Variants in GRIN3A observed in about 807,000 individuals in gnomAD.
The protein encoded by GRIN3A is glutamate ionotropic receptor NMDA type subunit 3A.
A neutral mutation model predicts 92.4 loss-of-function variants in GRIN3A; 47 were observed. That is an observed-to-expected ratio of 0.51 (90% CI 0.40 to 0.65). The LOEUF (loss-of-function observed/expected upper bound fraction) is 0.65, where lower values mean the gene tolerates loss of function less well. Ranked by LOEUF, GRIN3A falls within the 30% of genes least tolerant of loss-of-function variation. The probability of loss-of-function intolerance (pLI) is 0.00; values close to 1 mark genes in which losing one functional copy is unlikely to be tolerated. For missense variants in GRIN3A, 1,324 were observed against 1,393.1 expected (o/e 0.95, Z 0.79); for synonymous variants, 527 against 540.6 (o/e 0.97, Z 0.35).
At chr9:101,730,219 T>C (rs1191050811) in intron 1 of GRIN3A, among the ~76,000 whole-genome samples, 1 of 152,170 alleles carries the variant, frequency 6.6e-6, no homozygotes, top group Non-Finnish European at 1.5e-5. Context: ...ACCAGAACTC[T>C]AAGTGGGACT....
At chr9:101,706,514 GGA>G (rs1564149089) in intron 1 of GRIN3A, among the ~76,000 whole-genome samples, 2 of 152,188 alleles carry the variant, frequency 1.3e-5, no homozygotes, top group Non-Finnish European at 2.9e-5. Context: ...GAAAGGGATT[GGA>G]GGTATTTAAG....
In GRIN3A at chr9:101,569,878, C is replaced by A. The variant is rs1025120271; in HGVS notation, c.*3296G>T. On this transcript the variant is annotated 3_prime_UTR_variant, in exon 9 of 9. Coordinates refer to ENST00000361820, the MANE Select transcript of GRIN3A (RefSeq NM_133445.3). ...CTCTAAGGCTCTAACAGACACAGCA[C>A]CAACACTGAGAAGTCTGTTACCCAG... The A allele has an allele frequency of 1.2e-4, 18 of 152,246 alleles. No individual in the cohort carries two copies. Among genetic ancestry groups the A allele is most frequent in the Middle Eastern group, 6.8e-3 (2 of 294 alleles). The allele number at this position is 152,246 out of a possible 1,614,324, so 9.4% of individuals were successfully genotyped here.
chr9:101,683,754 T>C (rs1488058700), intron 2 of GRIN3A, among the ~76,000 whole-genome samples: 1 of 152,002 alleles, frequency 6.6e-6, no homozygotes, highest in African/African-American at 2.4e-5. Context: ...AATCTTCTTT[T>C]ACAGCTTCAA....
intron 6 of GRIN3A, chr9:101,594,358 GAGAT>G (rs772727192): frequency 2.0e-5 from 31 of 1,532,044 alleles, no homozygotes; most frequent in Non-Finnish European, 2.6e-5. Flanking sequence ...AATCTTGAAA[GAGAT>G]AGGGAAGAAA....
chr9:101,605,098 ATTAG>A (rs1327733550), intron 6 of GRIN3A, among the ~76,000 whole-genome samples: 2 of 152,236 alleles, frequency 1.3e-5, no homozygotes, highest in African/African-American at 4.8e-5. Context: ...CATATCTTCA[ATTAG>A]TTAGGCCAGG....
In GRIN3A at chr9:101,572,414, A is replaced by T. The variant is rs1827772830; in HGVS notation, c.*760T>A. 1 of 152,882 alleles carries T rather than the reference A, an allele frequency of 6.5e-6. No individual in the cohort carries two copies. The highest frequency in any genetic ancestry group is 3.4e-3 in the Middle Eastern group (1 of 294). The allele number at this position is 152,882 out of a possible 1,614,324, so 9.5% of individuals were successfully genotyped here. On this transcript the variant is annotated 3_prime_UTR_variant, in exon 9 of 9. Coordinates refer to ENST00000361820, the MANE Select transcript of GRIN3A (RefSeq NM_133445.3). Reference sequence around the variant, plus strand: ...AAGTAGTCTTATTCATTTTTTAGCCAAATTGCCTTTCTGGCCCAGAGCTTT... The same window carrying T: ...AAGTAGTCTTATTCATTTTTTAGCCTAATTGCCTTTCTGGCCCAGAGCTTT...
At chr9:101,673,157 A>C (rs576247436) in intron 2 of GRIN3A, among the ~76,000 whole-genome samples, 1 of 152,260 alleles carries the variant, frequency 6.6e-6, no homozygotes, top group Admixed American at 6.5e-5. Flanking sequence ...ATGATTATAG[A>C]TTCTTAACTG....
intron 6 of GRIN3A, among the ~76,000 whole-genome samples, chr9:101,600,483 C>A (rs1828197080): frequency 1.3e-5 from 2 of 152,044 alleles, no homozygotes; most frequent in South Asian, 4.1e-4. Flanking sequence ...TAAAGGAGCA[C>A]CTGCCTTGAG....
chr9:101,676,033 T>C (rs1829390511), intron 2 of GRIN3A, among the ~76,000 whole-genome samples: 1 of 151,974 alleles, frequency 6.6e-6, no homozygotes, highest in Non-Finnish European at 1.5e-5. Flanking sequence ...TCAAGTTTTA[T>C]TAGTATTATG....
At chr9:101,617,868 A>G (rs1000136244) in intron 5 of GRIN3A, among the ~76,000 whole-genome samples, 48 of 147,222 alleles carry the variant, frequency 3.3e-4, no homozygotes, top group African/African-American at 9.7e-4. Context: ...TCATTGTTCA[A>G]TTCCCACCTA....
Position 101,670,940 on chromosome 9 carries a change from A to G in GRIN3A, c.1472T>C (p.Met491Thr). ...CTGCTCTGGCCATATTCCATAGTCC[A>G]TGACAATCTTTCCCCCCTGCCAGCT... ...LGSWQGGKIV[M>T]DYGIWPEQAQ... The change falls in exon 3 of 9, where the codon ATG becomes ACG. Residue 491 changes from methionine (M) to threonine (T), a missense_variant. By Grantham distance (81) the Met-to-Thr change is moderately conservative. Transcript: ENST00000361820. 3 of 1,613,994 alleles carry G rather than the reference A, an allele frequency of 1.9e-6. No homozygotes were observed. Among genetic ancestry groups the G allele is most frequent in the African/African-American group, 1.3e-5 (1 of 75,006 alleles).
intron 1 of GRIN3A, among the ~76,000 whole-genome samples, chr9:101,721,135 C>T (rs1245692866): frequency 6.6e-6 from 1 of 152,094 alleles, no homozygotes; most frequent in Non-Finnish European, 1.5e-5. Context: ...GCCTGGATTC[C>T]CATGTGTTGT....
At chr9:101,650,896 A>C (rs1011450365) in intron 3 of GRIN3A, among the ~76,000 whole-genome samples, 6 of 151,894 alleles carry the variant, frequency 4.0e-5, no homozygotes, top group African/African-American at 7.3e-5. Flanking sequence ...AGTAAGTATC[A>C]CCTTTTTTCT....
At chr9:101,594,062 G>T (rs1333174683) in intron 6 of GRIN3A, 1 of 214,482 alleles carries the variant, frequency 4.7e-6, no homozygotes, top group Non-Finnish European at 9.2e-6. Context: ...TATACAAAAT[G>T]ATGAGAAATA....
chr9:101,626,765 C>T (rs551684084), intron 4 of GRIN3A, among the ~76,000 whole-genome samples: 2 of 152,348 alleles, frequency 1.3e-5, no homozygotes, highest in South Asian at 2.1e-4. Context: ...CTTTCATCAT[C>T]GTTCCCAGAC....
intron 3 of GRIN3A, among the ~76,000 whole-genome samples, chr9:101,641,796 A>G (rs1828868176): frequency 1.3e-5 from 2 of 151,976 alleles, no homozygotes; most frequent in Admixed American, 1.3e-4. Flanking sequence ...TAAAATTAAA[A>G]AAAAAAACGA....
At chr9:101,672,382 A>G (rs4568659) in intron 2 of GRIN3A, among the ~76,000 whole-genome samples, 50,885 of 152,080 alleles carry the variant, frequency 0.33, 9,435 homozygotes, top group Non-Finnish European at 0.41. Flanking sequence ...ACTTTTTCCA[A>G]TAATTTTAAT....
chr9:101,718,654 CA>C (rs1363334866), intron 1 of GRIN3A, among the ~76,000 whole-genome samples: 1 of 152,180 alleles, frequency 6.6e-6, no homozygotes, highest in Non-Finnish European at 1.5e-5. Context: ...ATTAATATAA[CA>C]CTGAATCACA....
At position 101,573,860 on chromosome 9, in the gene GRIN3A, C is replaced by T. The variant is rs555444217; in HGVS notation, c.3009-347G>A. Reference sequence around the variant, plus strand: ...AAGGGAAGCTCAGAAACTAGCCACACCTTGAAACGTTTGATGATTTGAAAG... The same window carrying T: ...AAGGGAAGCTCAGAAACTAGCCACATCTTGAAACGTTTGATGATTTGAAAG... On this transcript the variant is annotated intron_variant, in intron 8 of 8. Coordinates refer to ENST00000361820, the MANE Select transcript of GRIN3A (RefSeq NM_133445.3). Among the ~76,000 whole-genome samples, 6 of 148,772 alleles carry T rather than the reference C, an allele frequency of 4.0e-5. No homozygotes were observed. In the Admixed American group the frequency reaches 4.1e-4, roughly 10 times the overall value.
Sources: gnomAD v4.1 joint callset for allele counts (sites outside exome capture counted in the v4.1 genomes callset) on GRCh38, gnomAD v4.1.1 for gene constraint, MANE v1.5 for transcripts, NCBI Gene and HGNC (gene_info 2026-07-23, HGNC 2026-07-21) for gene names.